Variants in DSCAM observed in about 807,000 individuals in gnomAD.
DSCAM encodes the protein DS cell adhesion molecule.
Under a neutral mutation model 217.7 loss-of-function variants are expected in DSCAM, and 47 were observed. That is an observed-to-expected ratio of 0.22 (90% confidence interval 0.17 to 0.28). The LOEUF (loss-of-function observed/expected upper bound fraction) is 0.28. DSCAM is among the 10% of genes least tolerant of loss of function. The pLI, the probability that DSCAM is intolerant of heterozygous loss-of-function variation, is 1.00. For synonymous variants in DSCAM, 1,056 were observed against 1,015.3 expected (o/e 1.04, Z -0.76); for missense variants, 2,080 against 2,618.3 (o/e 0.79, Z 4.49).
At chr21:40,390,160 A>C (rs578118922) in intron 3 of DSCAM, among the ~76,000 whole-genome samples, 80 of 152,318 alleles carry the variant, frequency 5.3e-4, no homozygotes, top group Non-Finnish European at 9.8e-4. Context: ...ATGCTTGCCC[A>C]GTTGCATGTG....
At chr21:40,219,988 G>A (rs545736869) in intron 11 of DSCAM, among the ~76,000 whole-genome samples, 5 of 152,314 alleles carry the variant, frequency 3.3e-5, no homozygotes, top group African/African-American at 4.8e-5. Context: ...AAAAGAAAAC[G>A]GGAATCAAGG....
At chr21:40,466,847 T>A (rs1485866408) in intron 3 of DSCAM, among the ~76,000 whole-genome samples, 1 of 152,250 alleles carries the variant, frequency 6.6e-6, no homozygotes, top group African/African-American at 2.4e-5. Context: ...GACAAATACA[T>A]GCATTTGATT....
chr21:40,061,636 A>G (rs529481186), intron 28 of DSCAM, among the ~76,000 whole-genome samples: 1 of 152,156 alleles, frequency 6.6e-6, no homozygotes, highest in Admixed American at 6.5e-5. Flanking sequence ...TACGATTCAC[A>G]TTGTTTTGAA....
chr21:40,126,408 GAGA>G (rs1203896424), intron 19 of DSCAM, among the ~76,000 whole-genome samples: 1 of 152,182 alleles, frequency 6.6e-6, no homozygotes, highest in Non-Finnish European at 1.5e-5. Flanking sequence ...CAGGACCACT[GAGA>G]AGAATGGGAC....
intron 27 of DSCAM, among the ~76,000 whole-genome samples, chr21:40,066,979 G>A (rs879551870): frequency 6.6e-6 from 1 of 152,102 alleles, no homozygotes; most frequent in Non-Finnish European, 1.5e-5. Context: ...TTTGACTTAC[G>A]ATTACCTCCT....
chr21:40,395,880 T>C (rs2075174276), intron 3 of DSCAM, among the ~76,000 whole-genome samples: 1 of 152,190 alleles, frequency 6.6e-6, no homozygotes, highest in Non-Finnish European at 1.5e-5. Flanking sequence ...CCAAGCCTTA[T>C]TAAAGCCCCT....
intron 3 of DSCAM, among the ~76,000 whole-genome samples, chr21:40,684,302 C>T (rs1290121494): frequency 2.0e-5 from 3 of 152,196 alleles, no homozygotes; most frequent in Non-Finnish European, 4.4e-5. Context: ...GCTCCACAGG[C>T]TGACGGTGGA....
intron 1 of DSCAM, among the ~76,000 whole-genome samples, chr21:40,794,167 T>C (rs2091670929): frequency 6.6e-6 from 1 of 152,170 alleles, no homozygotes; most frequent in Non-Finnish European, 1.5e-5. Context: ...ACATTTATCT[T>C]GAGCTGCACA....
At chr21:40,469,962 A>G (rs966057033) in intron 3 of DSCAM, among the ~76,000 whole-genome samples, 2 of 152,204 alleles carry the variant, frequency 1.3e-5, no homozygotes, top group African/African-American at 4.8e-5. Flanking sequence ...AATCCCATAT[A>G]TTTTCACTGC....
intron 3 of DSCAM, among the ~76,000 whole-genome samples, chr21:40,440,237 G>C (rs947388497): frequency 7.2e-5 from 11 of 152,218 alleles, no homozygotes; most frequent in Non-Finnish European, 1.6e-4. Flanking sequence ...GAAGGAGACA[G>C]TATAGAAGAA....
At chr21:40,319,541 A>G (rs1185039031) in intron 8 of DSCAM, among the ~76,000 whole-genome samples, 1 of 152,204 alleles carries the variant, frequency 6.6e-6, no homozygotes, top group Non-Finnish European at 1.5e-5. Flanking sequence ...TAGTGCTGCC[A>G]TGAACGTGGG....
intron 3 of DSCAM, among the ~76,000 whole-genome samples, chr21:40,594,477 T>C (rs2077006706): frequency 6.6e-6 from 1 of 152,172 alleles, no homozygotes; most frequent in African/African-American, 2.4e-5. Context: ...ACTCTTATCA[T>C]CTGAAAAATA....
At chr21:40,236,435 C>T (rs763749236) in intron 11 of DSCAM, among the ~76,000 whole-genome samples, 4 of 152,106 alleles carry the variant, frequency 2.6e-5, no homozygotes, top group Non-Finnish European at 5.9e-5. Flanking sequence ...TTTATCCTTC[C>T]AAAATCTGTA....
chr21:40,422,025 A>G (rs777355745), intron 3 of DSCAM, among the ~76,000 whole-genome samples: 1 of 152,220 alleles, frequency 6.6e-6, no homozygotes, highest in African/African-American at 2.4e-5. Context: ...CATTGACACA[A>G]CTGCTATCTT....
chr21:40,767,068 G>A (rs888332957), intron 1 of DSCAM, among the ~76,000 whole-genome samples: 3 of 152,144 alleles, frequency 2.0e-5, no homozygotes, highest in African/African-American at 7.2e-5. Flanking sequence ...CTTATGGGTA[G>A]GGGAAATGTG....
chr21:40,194,136 C>T (rs942211195), intron 11 of DSCAM, among the ~76,000 whole-genome samples: 2 of 152,168 alleles, frequency 1.3e-5, no homozygotes, highest in Non-Finnish European at 1.5e-5. Context: ...AATCTGCACA[C>T]AATACTCCTC....
At position 40,025,940 on chromosome 21, in the gene DSCAM, T is replaced by C. The variant is rs529774421; in HGVS notation, c.5687-12554A>G. Among the ~76,000 whole-genome samples the C allele has an allele frequency of 1.5e-4, 23 of 149,404 alleles. 1 individual carries two copies. Among genetic ancestry groups the C allele is most frequent in the South Asian group, 2.2e-4 (1 of 4,590 alleles). ...TTTTGAATGTGTTTGCTCTTGCTTT[T>C]CTAGTTCTTTTAATTGTGATGTTAG... On this transcript the variant is annotated intron_variant, in intron 32 of 32. Coordinates refer to ENST00000400454, the MANE Select transcript of DSCAM (RefSeq NM_001389.5).
At chr21:40,182,521 T>G (rs1200231274) in intron 14 of DSCAM, among the ~76,000 whole-genome samples, 1 of 149,070 alleles carries the variant, frequency 6.7e-6, no homozygotes, top group South Asian at 2.1e-4. Context: ...CCGGAGAAAC[T>G]GTGGACAGCA....
chr21:40,394,098 C>A (rs557118807), intron 3 of DSCAM, among the ~76,000 whole-genome samples: 1 of 152,240 alleles, frequency 6.6e-6, no homozygotes, highest in East Asian at 1.9e-4. Context: ...ATGGAATAGT[C>A]AAGGCAGTTG....
Sources: gnomAD v4.1 joint callset for allele counts (sites outside exome capture counted in the v4.1 genomes callset) on GRCh38, gnomAD v4.1.1 for gene constraint, MANE v1.5 for transcripts, NCBI Gene and HGNC (gene_info 2026-07-23, HGNC 2026-07-21) for gene names.